Variants in VIPR1 observed in about 807,000 individuals in gnomAD.
VIPR1 encodes vasoactive intestinal polypeptide receptor 1.
A neutral mutation model predicts 58.8 loss-of-function variants in VIPR1; 59 were observed. The ratio of observed to expected loss-of-function variants is 1.00; its 90% CI spans 0.81 to 1.25. VIPR1 has a LOEUF of 1.25. VIPR1 is among the 50% of genes most tolerant of loss of function. The pLI is 0.00. For missense variants in VIPR1, 626 were observed against 602.7 expected, an observed-to-expected ratio of 1.04 and a Z score of -0.40; for synonymous variants, 251 against 242.1, an observed-to-expected ratio of 1.04 and a Z score of -0.34.
rs768872875 is a variant in VIPR1 at position 42,532,630 on chromosome 3, T to G, written c.1010+297T>G. 105 of 509,416 alleles carry G rather than the reference T, an allele frequency of 2.1e-4. 1 individual carries two copies. Among genetic ancestry groups the G allele is most frequent in the Non-Finnish European group, 2.4e-4 (66 of 279,152 alleles). The allele number at this position is 509,416 out of a possible 1,614,324, so 31.6% of individuals were successfully genotyped here. A position where few individuals can be genotyped will look rare whatever the true frequency, so the allele number is the denominator to read the frequency against. On this transcript the variant is annotated intron_variant, in intron 10 of 12. Coordinates refer to ENST00000325123, the MANE Select transcript of VIPR1 (RefSeq NM_004624.4). ...AGCTCAAGAGGACACCGATGACCTG[T>G]GTCTTGTTCATACCATGTGCCCAGT...
In VIPR1 at chr3:42,537,531, CTGCAACAGGCTTG is replaced by C. The variant is rs1701918996; in HGVS notation, c.*1258_*1270del. ...CCTCTGCCAGAAGATCCCCTCAGGA[CTGCAACAGGCTTG>C]TGCAACAATAAATGTTGGCTTGGAT... On this transcript the variant is annotated 3_prime_UTR_variant, in exon 13 of 13. Transcript: ENST00000325123. 1 of 152,286 alleles carries C rather than the reference CTGCAACAGGCTTG, an allele frequency of 6.6e-6. No individual in the cohort carries two copies. 9.4% of individuals were successfully genotyped at this position (152,286 alleles called of 1,614,324 possible).
At chr3:42,498,759 A>G (rs539803445), upstream of VIPR1, among the ~76,000 whole-genome samples, 1 of 152,216 alleles carries the variant, frequency 6.6e-6, no homozygotes, top group Non-Finnish European at 1.5e-5. Flanking sequence ...TTCCCTGCAG[A>G]GGACAGCCCA....
chr3:42,502,670 G>A lies in VIPR1; in HGVS notation c.-66G>A. 5.8e-6 allele frequency: 7 copies of A among 1,199,742 alleles called. No homozygotes were observed. Among genetic ancestry groups the A allele is most frequent in the Non-Finnish European group, 7.3e-6 (7 of 954,288 alleles). 74.3% of individuals were successfully genotyped at this position (1,199,742 alleles called of 1,614,324 possible). A position where few individuals can be genotyped will look rare whatever the true frequency, so the allele number is the denominator to read the frequency against. ...TCTGCCAGGCTCCCGGCCATCGCCC[G>A]CCTGGTGCGCCGCCCGCCAGCTCTT... On this transcript the variant is annotated 5_prime_UTR_variant, in exon 1 of 13. Coordinates refer to ENST00000325123, the MANE Select transcript of VIPR1 (RefSeq NM_004624.4).
At chr3:42,493,038 A>AT (rs1699694192) in intron 1 of VIPR1, among the ~76,000 whole-genome samples, 1 of 152,238 alleles carries the variant, frequency 6.6e-6, no homozygotes, top group South Asian at 2.1e-4. Context: ...CTGAAGTTCT[A>AT]TTTTTTGCCA....
chr3:42,531,053 C>CT, intron 7 of VIPR1, 121 bp downstream of exon 7: 1 of 1,298,652 alleles, frequency 7.7e-7, no homozygotes, highest in Non-Finnish European at 1.1e-6. Context: ...CAGGTCCTGC[C>CT]TGCAAGGATA....
At chr3:42,497,586 G>A (rs951552150) in intron 1 of VIPR1, among the ~76,000 whole-genome samples, 2 of 152,106 alleles carry the variant, frequency 1.3e-5, no homozygotes, top group Non-Finnish European at 2.9e-5. Context: ...CCCCTGATAC[G>A]GTTTGGCTGT....
At chr3:42,501,020 A>C (rs1699857710), upstream of VIPR1, among the ~76,000 whole-genome samples, 1 of 152,102 alleles carries the variant, frequency 6.6e-6, no homozygotes, top group Non-Finnish European at 1.5e-5. This position sits in a 1 kb window ranked among gnomAD's most constrained non-coding sequence, Gnocchi z 4.8. Context: ...ACAGAAAGAG[A>C]TTAATAAATG....
At chr3:42,532,135 G>C (rs1005680969) in intron 9 of VIPR1, 107 bp from the exon 10 acceptor site, 7 of 1,180,804 alleles carry the variant, frequency 5.9e-6, no homozygotes, top group South Asian at 5.0e-5. Context: ...GTAAGATAGA[G>C]AGAGGGGCAG....
rs1253037372 is a variant in VIPR1, at chr3:42,536,804, ACTACCCTATTCTCT to A, written c.*526_*539del. ...AGGCATTTGACTGAAGATGCAGCTCACTACCCTATTCTCTCTTTACGCTTAGTTATCAGCTTTTT... is the reference window on the plus strand; with the variant it reads ...AGGCATTTGACTGAAGATGCAGCTCACTTTACGCTTAGTTATCAGCTTTTT... On this transcript the variant is annotated 3_prime_UTR_variant, in exon 13 of 13. Coordinates refer to ENST00000325123, the MANE Select transcript of VIPR1 (RefSeq NM_004624.4). 6.5e-5 allele frequency: 10 copies of A among 153,072 alleles called. No individual in the cohort carries two copies. Among genetic ancestry groups the A allele is most frequent in the African/African-American group, 2.4e-4 (10 of 41,500 alleles). 9.5% of individuals were successfully genotyped at this position (153,072 alleles called of 1,614,324 possible).
At chr3:42,496,680 T>C (rs774145444) in intron 1 of VIPR1, among the ~76,000 whole-genome samples, 3 of 152,250 alleles carry the variant, frequency 2.0e-5, no homozygotes, top group Non-Finnish European at 4.4e-5. Context: ...ATATGAATTA[T>C]CCTCTTTGTG....
At chr3:42,527,323 C>T (rs1019521934) in intron 4 of VIPR1, 70 bp from the exon 5 acceptor site, 1 of 1,426,614 alleles carries the variant, frequency 7.0e-7, no homozygotes, top group Non-Finnish European at 9.8e-7. Flanking sequence ...GGGCACCCCA[C>T]CCCTGCCAAT....
At chr3:42,492,075 C>T (rs1699675392) in intron 1 of VIPR1, among the ~76,000 whole-genome samples, 1 of 151,982 alleles carries the variant, frequency 6.6e-6, no homozygotes, top group African/African-American at 2.4e-5. Context: ...AAAGACTTCC[C>T]CTTCCTCCCC....
intron 3 of VIPR1, among the ~76,000 whole-genome samples, chr3:42,522,363 TC>T (rs1287058688): frequency 6.6e-6 from 1 of 152,132 alleles, no homozygotes; most frequent in East Asian, 1.9e-4. Context: ...TGCCTCGGCC[TC>T]CCAAAGTGCT....
rs115470434 is a variant in VIPR1, at chr3:42,497,437, C to A, written c.-245+7759C>A. Among the ~76,000 whole-genome samples, 388 of 152,200 alleles carry A rather than the reference C, an allele frequency of 2.5e-3. 3 individuals carry two copies. Among genetic ancestry groups the A allele is most frequent in the African/African-American group, 8.8e-3 (367 of 41,510 alleles). ...GGGCACACACTCACATGCTCTTACACGCGGACATACATGCACACACACACA... is the reference window on the plus strand; with the variant it reads ...GGGCACACACTCACATGCTCTTACAAGCGGACATACATGCACACACACACA... On this transcript the variant is annotated intron_variant, in intron 1 of 13. Coordinates refer to the VIPR1 transcript ENST00000433647.
rs549505657 is a variant in VIPR1, at chr3:42,520,787, C to T, written c.292+1457C>T. On this transcript the variant is annotated intron_variant, in intron 3 of 12. Transcript: ENST00000325123. The stretch of plus-strand genomic sequence containing the variant: ...GTAAAGTGGGGATAGGTGGTAGACC[C>T]CAGGGTCTCTTTGGGGTAAGCCAGT... Among the ~76,000 whole-genome samples the T allele has an allele frequency of 4.6e-5, 7 of 152,218 alleles. No homozygotes were observed. The South Asian group carries it at 1.5e-3, about 32-fold the overall frequency.
upstream of VIPR1, among the ~76,000 whole-genome samples, chr3:42,499,410 C>T (rs2125626240): frequency 6.6e-6 from 1 of 152,350 alleles, no homozygotes. Context: ...TCTCTTTGTG[C>T]CATGCCTGTT....
intron 1 of VIPR1, among the ~76,000 whole-genome samples, chr3:42,497,568 C>T (rs1577191773): frequency 6.6e-6 from 1 of 152,210 alleles, no homozygotes; most frequent in Non-Finnish European, 1.5e-5. Flanking sequence ...ACACTCCCAA[C>T]ACCATGACCC....
chr3:42,534,843 C>T, intron 10 of VIPR1, 132 bp from the exon 11 acceptor site: 1 of 1,200,594 alleles, frequency 8.3e-7, no homozygotes, highest in Non-Finnish European at 1.2e-6. Context: ...TTCAGAGGAA[C>T]CTACAGTCCA....
rs371618946 is a variant in VIPR1 at position 42,513,463 on chromosome 3, G to A, written c.79-286G>A. ...GCCTCTAAGGGGAGGCCCTCTTGCC[G>A]CCATCTGGAGTTGTGCCACCCGCAA... is the stretch of plus-strand genomic sequence containing the variant. On this transcript the variant is annotated intron_variant, in intron 1 of 12. Coordinates refer to ENST00000325123, the MANE Select transcript of VIPR1 (RefSeq NM_004624.4). The A allele has an allele frequency of 1.6e-4, 57 of 363,372 alleles. 1 individual carries two copies. The highest frequency in any genetic ancestry group is 3.9e-4 in the African/African-American group (19 of 48,464). The allele number at this position is 363,372 out of a possible 1,614,324, so 22.5% of individuals were successfully genotyped here.
Sources: allele counts gnomAD v4.1 joint callset (sites outside exome capture counted in the v4.1 genomes callset), GRCh38; gene constraint gnomAD v4.1.1; non-coding constraint Gnocchi (gnomAD v3.1); transcripts MANE v1.5; gene names NCBI Gene and HGNC (gene_info 2026-07-23, HGNC 2026-07-21).